The following TENM3 variants were observed in gnomAD, a reference collection of about 807,000 sequenced individuals.
The protein encoded by TENM3 is teneurin transmembrane protein 3, also known as teneurin-3.
Under a neutral mutation model 255.1 loss-of-function variants are expected in TENM3, and 63 were observed. The ratio of observed to expected loss-of-function variants is 0.25; its 90% CI spans 0.20 to 0.30. The LOEUF is 0.30. TENM3 is among the 10% of genes least tolerant of loss of function. TENM3 has a pLI of 1.00. For missense variants in TENM3, 2,929 were observed against 3,461.1 expected (o/e 0.85, Z 3.86); for synonymous variants, 1,306 against 1,322.3 (o/e 0.99, Z 0.27).
chr4:182,356,784 G>C (rs972307591), intron 3 of TENM3, among the ~76,000 whole-genome samples: 1 of 151,688 alleles, frequency 6.6e-6, no homozygotes, highest in Non-Finnish European at 1.5e-5. Flanking sequence ...AGCTACATAT[G>C]TATACATGTG....
intron 1 of TENM3, among the ~76,000 whole-genome samples, chr4:182,250,204 C>T (rs1467082807): frequency 5.9e-5 from 9 of 151,894 alleles, no homozygotes; most frequent in East Asian, 1.9e-4. Flanking sequence ...AGGCGCCCGC[C>T]ACCACGCCCG....
chr4:181,751,515 A>G, the TENM3 span, among the ~76,000 whole-genome samples: 1 of 151,872 alleles, frequency 6.6e-6, no homozygotes, highest in African/African-American at 2.4e-5. Context: ...CTCTCCTCAC[A>G]GTGTTGTTAC....
the TENM3 span, among the ~76,000 whole-genome samples, chr4:181,947,453 T>C: frequency 6.6e-6 from 1 of 152,210 alleles, no homozygotes; most frequent in Non-Finnish European, 1.5e-5. Context: ...CTGGTATTTC[T>C]ACAATCTGTC....
At chr4:182,252,670 T>C (rs899301489) in intron 1 of TENM3, among the ~76,000 whole-genome samples, 1 of 152,206 alleles carries the variant, frequency 6.6e-6, no homozygotes, top group Admixed American at 6.5e-5. Context: ...GGCATAATTA[T>C]TATAAAAAGG....
chr4:181,914,435 T>C, the TENM3 span, among the ~76,000 whole-genome samples: 21 of 152,222 alleles, frequency 1.4e-4, no homozygotes, highest in Non-Finnish European at 2.5e-4. Context: ...GGGGTTGCTA[T>C]TGGGTTATTA....
chr4:181,496,871 G>A, the TENM3 span, among the ~76,000 whole-genome samples: 8 of 152,232 alleles, frequency 5.3e-5, no homozygotes, highest in South Asian at 2.1e-4. Flanking sequence ...GATAATCAAA[G>A]GTTGGTCTAG....
chr4:181,999,445 T>C, the TENM3 span, among the ~76,000 whole-genome samples: 1 of 152,210 alleles, frequency 6.6e-6, no homozygotes, highest in Non-Finnish European at 1.5e-5. Context: ...CAGCCTACTT[T>C]GCCATTGACA....
chr4:181,756,927 A>G, the TENM3 span, among the ~76,000 whole-genome samples: 1 of 152,178 alleles, frequency 6.6e-6, no homozygotes, highest in Non-Finnish European at 1.5e-5. Context: ...GTGCTAATAT[A>G]CATGTGTGAT....
At chr4:182,787,461 C>G (rs1374303918) in intron 24 of TENM3, among the ~76,000 whole-genome samples, 2 of 152,088 alleles carry the variant, frequency 1.3e-5, no homozygotes, top group African/African-American at 4.8e-5. Context: ...AGGCCAGGCT[C>G]GGTGGCTCGT....
chr4:182,517,730 T>G (rs1384133957), intron 3 of TENM3, among the ~76,000 whole-genome samples: 1 of 152,186 alleles, frequency 6.6e-6, no homozygotes, highest in Non-Finnish European at 1.5e-5. Context: ...CATAGTATGG[T>G]TCTAGGAGAA....
chr4:181,503,633 G>T, the TENM3 span, among the ~76,000 whole-genome samples: 11,606 of 152,164 alleles, frequency 0.076, 750 homozygotes, highest in African/African-American at 0.17. Flanking sequence ...GTTCCCTCAG[G>T]CAGAGGATGG....
At chr4:182,132,812 T>C in the TENM3 span, among the ~76,000 whole-genome samples, 34 of 152,232 alleles carry the variant, frequency 2.2e-4, no homozygotes, top group Non-Finnish European at 1.3e-4. Flanking sequence ...TAGAAATATG[T>C]GTCATTCTTA....
intron 3 of TENM3, among the ~76,000 whole-genome samples, chr4:182,566,916 CA>C (rs1743845586): frequency 6.6e-6 from 1 of 151,988 alleles, no homozygotes; most frequent in African/African-American, 2.4e-5. Flanking sequence ...TGTATAGTGA[CA>C]TATATACAAA....
At chr4:182,682,066 AGAT>A (rs1471921211) in intron 11 of TENM3, 52 bp downstream of exon 11, 1 of 1,472,562 alleles carries the variant, frequency 6.8e-7, no homozygotes, top group Non-Finnish European at 9.4e-7. Context: ...GTTTGGCTAA[AGAT>A]GATATTTTAA....
chr4:181,487,478 T>A, the TENM3 span, among the ~76,000 whole-genome samples: 1 of 152,184 alleles, frequency 6.6e-6, no homozygotes, highest in Non-Finnish European at 1.5e-5. Context: ...CTCTTCCTGG[T>A]TAACAGGCAG....
intron 2 of TENM3, among the ~76,000 whole-genome samples, chr4:182,334,713 A>G (rs1763991637): frequency 6.6e-6 from 1 of 152,210 alleles, no homozygotes; most frequent in African/African-American, 2.4e-5. Flanking sequence ...GGGATTTGAT[A>G]AATGGTGCTG....
chr4:181,480,204 C>T, the TENM3 span, among the ~76,000 whole-genome samples: 22 of 152,002 alleles, frequency 1.4e-4, 1 homozygote, highest in Middle Eastern at 3.2e-3. Context: ...CTCTTTTCTG[C>T]TTACCATCTA....
At chr4:181,509,471 G>A in the TENM3 span, among the ~76,000 whole-genome samples, 16 of 151,592 alleles carry the variant, frequency 1.1e-4, no homozygotes, top group Admixed American at 5.9e-4. Flanking sequence ...AACACTGCTC[G>A]TTCCTTGTCT....
Position 182,696,438 on chromosome 4 carries a change from G to A in TENM3, c.2221+8087G>A, listed in dbSNP as rs117030779. Among the ~76,000 whole-genome samples the A allele has an allele frequency of 2.1e-3, 324 of 152,192 alleles. 7 individuals are homozygous for A. In the East Asian group the frequency reaches 0.06, roughly 28 times the overall value. On this transcript the variant is annotated intron_variant, in intron 12 of 27. Coordinates refer to ENST00000511685, the MANE Select transcript of TENM3 (RefSeq NM_001080477.4). ...CATGGCAAGCACTGAATAAAAAATG[G>A]ATATGGGGCCGGGCACAGTGGCTCA... is the stretch of plus-strand genomic sequence containing the variant.
Sources: allele counts gnomAD v4.1 joint callset (sites outside exome capture counted in the v4.1 genomes callset), GRCh38; gene constraint gnomAD v4.1.1; transcripts MANE v1.5; gene names NCBI Gene and HGNC (gene_info 2026-07-23, HGNC 2026-07-21).